Variants in FGFBP3 observed in about 807,000 individuals in gnomAD.
FGFBP3 encodes the protein fibroblast growth factor-binding protein 3.
In FGFBP3, 4 loss-of-function variants were observed where a neutral mutation model predicts 4.8. That is an observed-to-expected ratio of 0.83 (90% CI 0.41 to 1.90). The LOEUF (loss-of-function observed/expected upper bound fraction) is 1.90, where lower values mean the gene tolerates loss of function less well. Among genes scored for constraint, FGFBP3 ranks in the 40% most tolerant of loss-of-function variants. FGFBP3 has a pLI of 0.03. For synonymous variants in FGFBP3, 215 were observed against 190.0 expected, an observed-to-expected ratio of 1.13 and a Z score of -1.08; for missense variants, 429 against 397.4, an observed-to-expected ratio of 1.08 and a Z score of -0.68.
chr10:91,908,094 C>T lies in FGFBP3; in HGVS notation c.*99G>A. The stretch of plus-strand genomic sequence containing the variant: ...CACCCCCATTCGAGAACCTGGACTT[C>T]TCCCCAATCTCTATCACAGTACCCC... On this transcript the variant is annotated 3_prime_UTR_variant, in exon 2 of 2. Transcript: ENST00000311575. The T allele has an allele frequency of 7.2e-7, 1 of 1,382,694 alleles. No individual in the cohort carries two copies. Among genetic ancestry groups the T allele is most frequent in the Non-Finnish European group, 9.6e-7 (1 of 1,046,270 alleles). 85.7% of individuals were successfully genotyped at this position (1,382,694 alleles called of 1,614,324 possible).
chr10:91,908,427 G>A lies in FGFBP3; in HGVS notation c.543C>T (p.Ser181=), dbSNP rs142767199. 142 of 1,508,026 alleles carry A rather than the reference G, an allele frequency of 9.4e-5. 2 individuals are homozygous for A. The African/African-American group carries it at 1.2e-3, about 12-fold the overall frequency. 93.4% of individuals were successfully genotyped at this position (1,508,026 alleles called of 1,614,324 possible). A position where few individuals can be genotyped will look rare whatever the true frequency, so the allele number is the denominator to read the frequency against. Residue 181 remains serine, a synonymous_variant, in exon 2 of 2, where the codon TCC becomes TCT. Coordinates refer to ENST00000311575, the MANE Select transcript of FGFBP3 (RefSeq NM_152429.5). ...GAGGCGGGGTCCCAGCGGCTGGGCC[G>A]GACGCACGCTCCCGGGTCCGCCCCC... The part of the protein sequence containing the change: ...RNRGRTRERA[S]GPAAGTPPPQ...
chr10:91,908,148 TC>T lies in FGFBP3; in HGVS notation c.*44del. On this transcript the variant is annotated 3_prime_UTR_variant, in exon 2 of 2. Transcript: ENST00000311575. Reference sequence around the variant, plus strand: ...GTCTAAGACGCCCTTAGCTTTCCCTTCCCCACGCCTCCCCCATCAACCCTCC... The same window carrying T: ...GTCTAAGACGCCCTTAGCTTTCCCTTCCCACGCCTCCCCCATCAACCCTCC... The T allele has an allele frequency of 1.3e-6, 2 of 1,574,814 alleles. No individual in the cohort carries two copies.
At position 91,908,627 on chromosome 10, in the gene FGFBP3, C is replaced by G. The variant is rs951024225; in HGVS notation, c.343G>C (p.Gly115Arg). Residue 115 changes from glycine (G) to arginine (R), a missense_variant, in exon 2 of 2, where the codon GGA becomes CGA. Physicochemically the swap from Gly to Arg is moderately radical, Grantham distance 125. Transcript: ENST00000311575. ...GGCCTCCGCTTCTTGCGCAGCCCTC[C>G]CAGCACCTGCTTCCAGAAGTGCGCG... ...RRAHFWKQVL[G>R]GLRKKRRPCH... 22 of 1,438,090 alleles carry G rather than the reference C, an allele frequency of 1.5e-5. No homozygotes were observed. The Admixed American group carries it at 6.0e-4, about 39-fold the overall frequency. The allele number at this position is 1,438,090 out of a possible 1,614,324, so 89.1% of individuals were successfully genotyped here.
In FGFBP3 at chr10:91,908,828, A is replaced by G. The variant is rs773126180; in HGVS notation, c.142T>C (p.Ser48Pro). 12 of 1,532,018 alleles carry G rather than the reference A, an allele frequency of 7.8e-6. No individual in the cohort carries two copies. Among genetic ancestry groups the G allele is most frequent in the Non-Finnish European group, 1.0e-5 (12 of 1,146,408 alleles). The allele number at this position is 1,532,018 out of a possible 1,614,324, so 94.9% of individuals were successfully genotyped here. Reference protein sequence around the residue: ...EPVPGPTGGSSGRFLSPEQHA... With the variant: ...EPVPGPTGGSPGRFLSPEQHA... ...TGCTCGGGGCTGAGGAAGCGACCCG[A>G]GGAGCCGCCAGTGGGCCCGGGGACC... The change falls in exon 2 of 2, where the codon TCG becomes CCG. Residue 48 changes from serine (S) to proline (P), a missense_variant. Coordinates refer to ENST00000311575, the MANE Select transcript of FGFBP3 (RefSeq NM_152429.5).
chr10:91,908,832 G>A lies in FGFBP3; in HGVS notation c.138C>T (p.Gly46=). The change falls in exon 2 of 2, where the codon GGC becomes GGT. Residue 46 remains glycine (G), a synonymous_variant. Coordinates refer to ENST00000311575, the MANE Select transcript of FGFBP3 (RefSeq NM_152429.5). ...CGGGGCTGAGGAAGCGACCCGAGGA[G>A]CCGCCAGTGGGCCCGGGGACCGGCT... ...VAEPVPGPTG[G]SSGRFLSPEQ... is the part of the protein sequence containing the mutation. The A allele has an allele frequency of 6.5e-7, 1 of 1,534,130 alleles. No individual in the cohort carries two copies. Among genetic ancestry groups the A allele is most frequent in the Non-Finnish European group, 8.7e-7 (1 of 1,147,442 alleles).
chr10:91,909,250 T>G (rs966738450), intron 1 of FGFBP3, 148 bp downstream of exon 1: 7 of 462,208 alleles, frequency 1.5e-5, no homozygotes, highest in Non-Finnish European at 2.6e-5. Context: ...TTCTTCCCCT[T>G]GCAAATACGA....
In FGFBP3 at chr10:91,908,437, T is replaced by TCCCGGGTCCGCC. The variant is rs1843317336; in HGVS notation, c.521_532dup (p.Gly174_Arg177dup). ...CCCAGCGGCTGGGCCGGACGCACGCTCCCGGGTCCGCCCCCGGTTCCGGGC... is the reference window on the plus strand; with the variant it reads ...CCCAGCGGCTGGGCCGGACGCACGCTCCCGGGTCCGCCCCCGGGTCCGCCCCCGGTTCCGGGC... On this transcript the variant is annotated inframe_insertion, in exon 2 of 2. Transcript: ENST00000311575. 6.7e-7 allele frequency: 1 copy of TCCCGGGTCCGCC among 1,491,418 alleles called. No individual in the cohort carries two copies. The highest frequency in any genetic ancestry group is 8.9e-7 in the Non-Finnish European group (1 of 1,127,528). The allele number at this position is 1,491,418 out of a possible 1,614,324, so 92.4% of individuals were successfully genotyped here. A position where few individuals can be genotyped will look rare whatever the true frequency, so the allele number is the denominator to read the frequency against.
Position 91,908,884 on chromosome 10 carries a change from TC to T in FGFBP3, c.85del (p.Glu29ArgfsTer119). On this transcript the variant is annotated frameshift_variant, in exon 2 of 2. Coordinates refer to ENST00000311575, the MANE Select transcript of FGFBP3 (RefSeq NM_152429.5). LOFTEE classifies it low-confidence loss of function (END_TRUNC). ...CGCCACGTTGCTAGCCGCCCCTTTC[TC>T]CCTCCGAGCAGCCGCGAGGAGGCAA... Reference protein sequence around the residue: ...SGCLLAAARREKGAASNVAEP... With the variant: ...SGCLLAAARRXKGAASNVAEP... The T allele has an allele frequency of 6.3e-7, 1 of 1,589,700 alleles. No homozygotes were observed. Among genetic ancestry groups the T allele is most frequent in the Non-Finnish European group, 8.5e-7 (1 of 1,172,802 alleles).
In FGFBP3 at chr10:91,908,405, G is replaced by T. The variant is rs1029811679; in HGVS notation, c.565C>A (p.Pro189Thr). Reference protein sequence around the residue: ...RASGPAAGTPPPQSAPPKENP... With the variant: ...RASGPAAGTPTPQSAPPKENP... ...TCTTTGGGCGGTGCGCTTTGGGGAG[G>T]CGGGGTCCCAGCGGCTGGGCCGGAC... The change falls in exon 2 of 2, where the codon CCT becomes ACT. Residue 189 changes from proline to threonine, a missense_variant. Physicochemically the swap from Pro to Thr is conservative, Grantham distance 38. Transcript: ENST00000311575. 2.6e-6 allele frequency: 4 copies of T among 1,531,664 alleles called. No homozygotes were observed. The highest frequency in any genetic ancestry group is 3.5e-6 in the Non-Finnish European group (4 of 1,145,736). 94.9% of individuals were successfully genotyped at this position (1,531,664 alleles called of 1,614,324 possible).
rs369733632 is a variant in FGFBP3 at position 91,908,260 on chromosome 10, G to A, written c.710C>T (p.Thr237Met). The change falls in exon 2 of 2, where the codon ACG (threonine) becomes ATG (methionine). Residue 237 changes from threonine to methionine, a missense_variant. Physicochemically the swap from Thr to Met is moderately conservative, Grantham distance 81. Coordinates refer to ENST00000311575, the MANE Select transcript of FGFBP3 (RefSeq NM_152429.5). ...CCACTTCTCAGCGCAGTAGGTCTCCGTGAGCTCCGCGTTCCCGTCCAGCCC... is the reference window on the plus strand; with the variant it reads ...CCACTTCTCAGCGCAGTAGGTCTCCATGAGCTCCGCGTTCCCGTCCAGCCC... ...PDGLDGNAELTETYCAEKWHS... is the reference protein window; with the variant it reads ...PDGLDGNAELMETYCAEKWHS... The A allele has an allele frequency of 4.3e-5, 69 of 1,605,608 alleles. No homozygotes were observed. The highest frequency in any genetic ancestry group is 5.2e-5 in the Non-Finnish European group (61 of 1,176,148).
Position 91,908,418 on chromosome 10 carries a change from G to T in FGFBP3, c.552C>A (p.Ala184=), listed in dbSNP as rs1368685245. 6.6e-7 allele frequency: 1 copy of T among 1,519,018 alleles called. No homozygotes were observed. Among genetic ancestry groups the T allele is most frequent in the Non-Finnish European group, 8.8e-7 (1 of 1,140,034 alleles). The allele number at this position is 1,519,018 out of a possible 1,614,324, so 94.1% of individuals were successfully genotyped here. ...GRTRERASGP[A]AGTPPPQSAP... ...CGCTTTGGGGAGGCGGGGTCCCAGC[G>T]GCTGGGCCGGACGCACGCTCCCGGG... The change falls in exon 2 of 2, where the codon GCC becomes GCA. Residue 184 remains alanine (A), a synonymous_variant. Coordinates refer to ENST00000311575, the MANE Select transcript of FGFBP3 (RefSeq NM_152429.5).
At position 91,908,898 on chromosome 10, in the gene FGFBP3, C is replaced by T. The variant is rs756251241; in HGVS notation, c.72G>A (p.Ala24=). ...LLLLLSGCLL[A]AARREKGAAS... is the part of the protein sequence containing the mutation. ...CCGCCCCTTTCTCCCTCCGAGCAGC[C>T]GCGAGGAGGCAACCACTCAGCAGCA... Residue 24 remains alanine, a synonymous_variant, in exon 2 of 2, where the codon GCG becomes GCA. Transcript: ENST00000311575. 8 of 1,599,288 alleles carry T rather than the reference C, an allele frequency of 5.0e-6. No individual in the cohort carries two copies. In the South Asian group the frequency reaches 6.7e-5, roughly 13 times the overall value.
Position 91,908,858 on chromosome 10 carries a change from C to G in FGFBP3, c.112G>C (p.Glu38Gln), listed in dbSNP as rs1185912016. The change falls in exon 2 of 2, where the codon GAG (glutamate) becomes CAG (glutamine). Residue 38 changes from glutamate (E) to glutamine (Q), a missense_variant. Coordinates refer to ENST00000311575, the MANE Select transcript of FGFBP3 (RefSeq NM_152429.5). ...CCGCCAGTGGGCCCGGGGACCGGCT[C>G]CGCCACGTTGCTAGCCGCCCCTTTC... ...REKGAASNVA[E>Q]PVPGPTGGSS... The G allele has an allele frequency of 6.4e-7, 1 of 1,560,318 alleles. No homozygotes were observed.
Position 91,908,394 on chromosome 10 carries a change from G to C in FGFBP3, c.576C>G (p.Ser192Arg), listed in dbSNP as rs963816409. ...GPAAGTPPPQ[S>R]APPKENPSER... ...CTGAGGGGTTTTCTTTGGGCGGTGC[G>C]CTTTGGGGAGGCGGGGTCCCAGCGG... Residue 192 changes from serine to arginine, a missense_variant, in exon 2 of 2, where the codon AGC becomes AGG. Ser to Arg is a moderately radical substitution (Grantham distance 110). Transcript: ENST00000311575. 2.6e-6 allele frequency: 4 copies of C among 1,541,952 alleles called. No individual in the cohort carries two copies. The highest frequency in any genetic ancestry group is 3.5e-6 in the Non-Finnish European group (4 of 1,150,448).
chr10:91,907,851 C>G lies in FGFBP3; in HGVS notation c.*342G>C. ...CATGGGACTCACATCACTTTAGTCACTCTATCTCCCCCTTATTCTCAGCCT... is the reference window on the plus strand; with the variant it reads ...CATGGGACTCACATCACTTTAGTCAGTCTATCTCCCCCTTATTCTCAGCCT... On this transcript the variant is annotated 3_prime_UTR_variant, in exon 2 of 2. Transcript: ENST00000311575. 4.1e-6 allele frequency: 1 copy of G among 244,514 alleles called. No individual in the cohort carries two copies. Among genetic ancestry groups the G allele is most frequent in the Non-Finnish European group, 7.7e-6 (1 of 129,092 alleles). The allele number at this position is 244,514 out of a possible 1,614,324, so 15.1% of individuals were successfully genotyped here.
chr10:91,908,668 G>T lies in FGFBP3; in HGVS notation c.302C>A (p.Ala101Asp). The T allele has an allele frequency of 1.4e-6, 2 of 1,429,868 alleles. No individual in the cohort carries two copies. The highest frequency in any genetic ancestry group is 1.8e-6 in the Non-Finnish European group (2 of 1,095,238). 88.6% of individuals were successfully genotyped at this position (1,429,868 alleles called of 1,614,324 possible). A position where few individuals can be genotyped will look rare whatever the true frequency, so the allele number is the denominator to read the frequency against. ...AYRGHPERCA[A>D]YAARRAHFWK... ...GAAGTGCGCGCGGCGAGCGGCGTAG[G>T]CTGCGCAGCGCTCCGGATGCCCGCG... Residue 101 changes from alanine to aspartate, a missense_variant, in exon 2 of 2, where the codon GCC becomes GAC. Physicochemically the swap from Ala to Asp is moderately radical, Grantham distance 126 (BLOSUM62 -2). Transcript: ENST00000311575.
Position 91,907,478 on chromosome 10 carries a change from T to TTA in FGFBP3, c.*713_*714dup, listed in dbSNP as rs1164167402. ...CAGGAGTTGGAGACTGCAGTGCCTA[T>TTA]TATTACACCTGTGACTAGCCACCGC... On this transcript the variant is annotated 3_prime_UTR_variant, in exon 2 of 2. Coordinates refer to ENST00000311575, the MANE Select transcript of FGFBP3 (RefSeq NM_152429.5). 9.2e-5 allele frequency: 14 copies of TTA among 151,684 alleles called. No homozygotes were observed. The highest frequency in any genetic ancestry group is 9.2e-4 in the Admixed American group (14 of 15,228). 9.4% of individuals were successfully genotyped at this position (151,684 alleles called of 1,614,324 possible).
At position 91,908,154 on chromosome 10, in the gene FGFBP3, C is replaced by A; in HGVS notation, c.*39G>T. The A allele has an allele frequency of 1.3e-6, 2 of 1,581,892 alleles. No homozygotes were observed. The highest frequency in any genetic ancestry group is 1.7e-6 in the Non-Finnish European group (2 of 1,167,578). On this transcript the variant is annotated 3_prime_UTR_variant, in exon 2 of 2. Transcript: ENST00000311575. ...GACGCCCTTAGCTTTCCCTTCCCCACGCCTCCCCCATCAACCCTCCCTAAG... is the reference window on the plus strand; with the variant it reads ...GACGCCCTTAGCTTTCCCTTCCCCAAGCCTCCCCCATCAACCCTCCCTAAG...
rs761298866 is a variant in FGFBP3 at position 91,908,154 on chromosome 10, C to T, written c.*39G>A. The T allele has an allele frequency of 1.3e-5, 21 of 1,581,772 alleles. No homozygotes were observed. In the Admixed American group the frequency reaches 2.7e-4, roughly 21 times the overall value. On this transcript the variant is annotated 3_prime_UTR_variant, in exon 2 of 2. Transcript: ENST00000311575. ...GACGCCCTTAGCTTTCCCTTCCCCA[C>T]GCCTCCCCCATCAACCCTCCCTAAG... is the stretch of plus-strand genomic sequence containing the variant.
Sources: allele counts gnomAD v4.1 joint callset, GRCh38; gene constraint gnomAD v4.1.1; transcripts MANE v1.5; gene names NCBI Gene and HGNC (gene_info 2026-07-23, HGNC 2026-07-21).